The following HS6ST1 variants were observed in gnomAD, a reference collection of about 807,000 sequenced individuals.
HS6ST1 encodes the protein heparan-sulfate 6-O-sulfotransferase 1.
In HS6ST1, 3 loss-of-function variants were observed where a neutral mutation model predicts 25.2. The observed-to-expected ratio is 0.12, with a 90% CI of 0.05 to 0.31. The LOEUF is 0.31. HS6ST1 is among the 10% of genes least tolerant of loss of function. The pLI, the probability that HS6ST1 is intolerant of heterozygous loss-of-function variation, is 1.00. For synonymous variants in HS6ST1, 204 were observed against 275.1 expected (o/e 0.74, Z 2.56); for missense variants, 310 against 609.6 (o/e 0.51, Z 5.18).
At chr2:128,298,266 C>A (rs1694069531) in intron 1 of HS6ST1, among the ~76,000 whole-genome samples, 1 of 151,554 alleles carries the variant, frequency 6.6e-6, no homozygotes. Flanking sequence ...GGTGGTTTCT[C>A]AAAAAAAATG....
chr2:128,279,312 G>C (rs1380591053), intron 1 of HS6ST1, among the ~76,000 whole-genome samples: 1 of 146,512 alleles, frequency 6.8e-6, no homozygotes, highest in Non-Finnish European at 1.5e-5. Flanking sequence ...CTGTCATTTA[G>C]AGTCAGAATG....
chr2:128,317,110 C>A (rs1296109948), intron 1 of HS6ST1, among the ~76,000 whole-genome samples: 1 of 152,220 alleles, frequency 6.6e-6, no homozygotes, highest in African/African-American at 2.4e-5. Flanking sequence ...GAATGGGCAC[C>A]AACAGGAACA....
chr2:128,303,575 T>C (rs1694166196), intron 1 of HS6ST1, among the ~76,000 whole-genome samples: 1 of 152,134 alleles, frequency 6.6e-6, no homozygotes, highest in Non-Finnish European at 1.5e-5. Flanking sequence ...CCATACATGG[T>C]GGGGGGACAC....
At chr2:128,314,833 T>C (rs1039272526) in intron 1 of HS6ST1, among the ~76,000 whole-genome samples, 7 of 152,220 alleles carry the variant, frequency 4.6e-5, no homozygotes, top group Non-Finnish European at 1.0e-4. Context: ...ATGCCCTCCG[T>C]GGCCCCAAAT....
intron 1 of HS6ST1, among the ~76,000 whole-genome samples, chr2:128,296,057 C>T (rs772584810): frequency 9.9e-5 from 15 of 152,200 alleles, no homozygotes; most frequent in Non-Finnish European, 8.8e-5. Context: ...TTTCTTCTCT[C>T]TTGGCCATGG....
intron 1 of HS6ST1, among the ~76,000 whole-genome samples, chr2:128,293,403 T>C (rs1293540702): frequency 6.6e-6 from 1 of 152,212 alleles, no homozygotes; most frequent in Admixed American, 6.5e-5. Flanking sequence ...GTAAAGCTAG[T>C]CTGAGGAGTA....
intron 1 of HS6ST1, among the ~76,000 whole-genome samples, chr2:128,270,111 G>A (rs1422525125): frequency 6.6e-6 from 1 of 152,226 alleles, no homozygotes; most frequent in Non-Finnish European, 1.5e-5. Context: ...GGTAGCCAGT[G>A]ATGGCTCCAG....
intron 1 of HS6ST1, among the ~76,000 whole-genome samples, chr2:128,292,745 G>A (rs1693974960): frequency 6.6e-6 from 1 of 152,006 alleles, no homozygotes; most frequent in Admixed American, 6.5e-5. Context: ...GAATGGGGCG[G>A]AGGGGAGGGG....
Position 128,266,931 on chromosome 2 carries a change from T to C in HS6ST1, c.*1231A>G, listed in dbSNP as rs1341830130. 2.6e-5 allele frequency: 4 copies of C among 152,010 alleles called. No homozygotes were observed. The East Asian group carries it at 7.7e-4, about 29-fold the overall frequency. The allele number at this position is 152,010 out of a possible 1,614,324, so 9.4% of individuals were successfully genotyped here. On this transcript the variant is annotated 3_prime_UTR_variant, in exon 2 of 2. Coordinates refer to ENST00000259241, the MANE Select transcript of HS6ST1 (RefSeq NM_004807.3). ...TGGGAACAGAGCATGGCCAGCCTTTTGCCAGGGGGTGGGGAGCATGGGGAA... is the reference window on the plus strand; with the variant it reads ...TGGGAACAGAGCATGGCCAGCCTTTCGCCAGGGGGTGGGGAGCATGGGGAA...
intron 1 of HS6ST1, among the ~76,000 whole-genome samples, chr2:128,293,718 A>C (rs1159978735): frequency 1.3e-5 from 2 of 152,202 alleles, no homozygotes; most frequent in East Asian, 1.9e-4. Flanking sequence ...GCCTCAGGTC[A>C]CCAGTGAAGG....
intron 1 of HS6ST1, among the ~76,000 whole-genome samples, chr2:128,304,239 C>A (rs116208887): frequency 6.6e-6 from 1 of 152,170 alleles, no homozygotes; most frequent in Admixed American, 6.5e-5. Flanking sequence ...AAGTTCTGTC[C>A]CTCTGGAGAA....
chr2:128,268,918 G>C (rs1177843719), intron 1 of HS6ST1, 48 bp from the exon 2 acceptor site: 24 of 1,516,508 alleles, frequency 1.6e-5, no homozygotes, highest in South Asian at 2.2e-5. Flanking sequence ...GCAGCATGAG[G>C]GGGGCTACCA....
At chr2:128,284,935 T>C (rs1043531328) in intron 1 of HS6ST1, among the ~76,000 whole-genome samples, 3 of 152,308 alleles carry the variant, frequency 2.0e-5, no homozygotes, top group Admixed American at 6.5e-5. Context: ...TCAGTTTTTC[T>C]GGACCTGCCA....
At chr2:128,299,975 G>A (rs1694098999) in intron 1 of HS6ST1, among the ~76,000 whole-genome samples, 1 of 152,186 alleles carries the variant, frequency 6.6e-6, no homozygotes. Context: ...CCGGGGTCTT[G>A]CCAGCCGCTT....
chr2:128,299,735 G>C (rs928768893), intron 1 of HS6ST1, among the ~76,000 whole-genome samples: 1 of 152,182 alleles, frequency 6.6e-6, no homozygotes, highest in Non-Finnish European at 1.5e-5. Context: ...AGCTGGCGGA[G>C]AGACAGAGGC....
In HS6ST1 at chr2:128,266,706, C is replaced by T. The variant is rs891014837; in HGVS notation, c.*1456G>A. 3.3e-5 allele frequency: 5 copies of T among 152,500 alleles called. No individual in the cohort carries two copies. Among genetic ancestry groups the T allele is most frequent in the African/African-American group, 1.2e-4 (5 of 41,572 alleles). The allele number at this position is 152,500 out of a possible 1,614,324, so 9.4% of individuals were successfully genotyped here. A position where few individuals can be genotyped will look rare whatever the true frequency, so the allele number is the denominator to read the frequency against. ...GCCTGCAGAGCCCACTGCCCTACCT[C>T]TGAGTCAGCCTGCGGCCTGAGCACA... On this transcript the variant is annotated 3_prime_UTR_variant, in exon 2 of 2. Coordinates refer to ENST00000259241, the MANE Select transcript of HS6ST1 (RefSeq NM_004807.3).
chr2:128,285,582 C>G (rs1209277147), intron 1 of HS6ST1, among the ~76,000 whole-genome samples: 1 of 123,286 alleles, frequency 8.1e-6, no homozygotes, highest in Non-Finnish European at 1.7e-5. Context: ...CCAGGGGAAG[C>G]CTTGGGGGAT....
intron 1 of HS6ST1, among the ~76,000 whole-genome samples, chr2:128,306,066 G>A (rs1016315934): frequency 6.6e-6 from 1 of 152,196 alleles, no homozygotes; most frequent in Non-Finnish European, 1.5e-5. Flanking sequence ...TAGGTGATGA[G>A]TTATTTAGGC....
chr2:128,316,943 G>A (rs1010143765), intron 1 of HS6ST1, among the ~76,000 whole-genome samples: 3 of 152,140 alleles, frequency 2.0e-5, no homozygotes, highest in African/African-American at 4.8e-5. Context: ...CAGCCAACAC[G>A]CCTACAACCG....
Sources: allele counts gnomAD v4.1 joint callset (sites outside exome capture counted in the v4.1 genomes callset), GRCh38; gene constraint gnomAD v4.1.1; transcripts MANE v1.5; gene names NCBI Gene and HGNC (gene_info 2026-07-23, HGNC 2026-07-21).